The following AKR1C8 variants were observed in gnomAD, a reference collection of about 807,000 sequenced individuals.
AKR1C8 encodes the protein aldo-keto reductase family 1 member C-like protein 1.
the AKR1C8 span, among the ~76,000 whole-genome samples, chr10:5,144,127 G>C: frequency 6.6e-6 from 1 of 152,218 alleles, no homozygotes; most frequent in South Asian, 2.1e-4. Flanking sequence ...TTATTAAATA[G>C]GGAATCCTTT....
At chr10:5,180,807 C>G in the AKR1C8 span, among the ~76,000 whole-genome samples, 1 of 152,222 alleles carries the variant, frequency 6.6e-6, no homozygotes, top group South Asian at 2.1e-4. Context: ...GGGATATAAT[C>G]TCCTGGTGCG....
the AKR1C8 span, among the ~76,000 whole-genome samples, chr10:5,134,555 T>C: frequency 6.6e-6 from 1 of 152,180 alleles, no homozygotes; most frequent in Non-Finnish European, 1.5e-5. Context: ...TTCGAGGTTC[T>C]AGTTTTTTCT....
chr10:5,151,557 GT>G, the AKR1C8 span, among the ~76,000 whole-genome samples: 1,879 of 132,584 alleles, frequency 0.014, 31 homozygotes, highest in African/African-American at 0.044. Context: ...TTCCCTTTGG[GT>G]TTTTTTTTTT....
chr10:5,119,355 A>G, the AKR1C8 span, among the ~76,000 whole-genome samples: 2 of 152,182 alleles, frequency 1.3e-5, no homozygotes, highest in Non-Finnish European at 2.9e-5. Flanking sequence ...GATAGCTTGG[A>G]AAAATACTTG....
chr10:5,123,641 G>T, the AKR1C8 span: 2 of 1,395,646 alleles, frequency 1.4e-6, no homozygotes, highest in South Asian at 1.3e-5. Flanking sequence ...CTCCAGGAAA[G>T]AGAGTACCAT....
At chr10:5,136,296 C>T in the AKR1C8 span, among the ~76,000 whole-genome samples, 1 of 152,076 alleles carries the variant, frequency 6.6e-6, no homozygotes, top group Admixed American at 6.6e-5. Context: ...ACCCGTAATC[C>T]CAGCACTTTG....
chr10:5,137,400 C>T, the AKR1C8 span, among the ~76,000 whole-genome samples: 5 of 152,206 alleles, frequency 3.3e-5, no homozygotes, highest in South Asian at 8.3e-4. Flanking sequence ...GCTTATCCAC[C>T]AAGATCAAGT....
the AKR1C8 span, among the ~76,000 whole-genome samples, chr10:5,143,756 T>C: frequency 2.7e-5 from 4 of 148,704 alleles, no homozygotes; most frequent in Non-Finnish European, 4.5e-5. Context: ...TATCTATATA[T>C]ATTTTAGATT....
the AKR1C8 span, among the ~76,000 whole-genome samples, chr10:5,164,155 C>T: frequency 1.3e-5 from 2 of 152,080 alleles, no homozygotes; most frequent in Non-Finnish European, 2.9e-5. Context: ...TAGTCTCGGA[C>T]CAAGGTCCTG....
At chr10:5,161,682 T>C in the AKR1C8 span, 47 of 532,740 alleles carry the variant, frequency 8.8e-5, no homozygotes, top group East Asian at 2.4e-3. Context: ...ATCTTGATGG[T>C]AGAGTCACTC....
the AKR1C8 span, chr10:5,161,755 C>G: frequency 1.9e-6 from 1 of 534,724 alleles, no homozygotes; most frequent in South Asian, 1.4e-5. Flanking sequence ...ATCTGCCTCT[C>G]TCAGGAAGAA....
the AKR1C8 span, among the ~76,000 whole-genome samples, chr10:5,163,262 T>C: frequency 0.29 from 44,030 of 152,052 alleles, 7,106 homozygotes; most frequent in Non-Finnish European, 0.36. Flanking sequence ...TCTCATTCCA[T>C]ATCAATCAAC....
the AKR1C8 span, chr10:5,132,775 G>T: frequency 4.7e-6 from 6 of 1,278,450 alleles, no homozygotes; most frequent in Admixed American, 2.1e-5. Flanking sequence ...GGAACCCGGA[G>T]GAGTAATGAA....
the AKR1C8 span, among the ~76,000 whole-genome samples, chr10:5,133,976 G>T: frequency 3.3e-4 from 50 of 152,256 alleles, no homozygotes; most frequent in African/African-American, 1.1e-3. Flanking sequence ...TTTTAGGAAA[G>T]ATATAATTTC....
the AKR1C8 span, chr10:5,123,538 C>G: frequency 1.6e-6 from 1 of 625,158 alleles, no homozygotes; most frequent in South Asian, 2.5e-5. Context: ...ACCAGAGCGT[C>G]TCAAGTGAGG....
the AKR1C8 span, among the ~76,000 whole-genome samples, chr10:5,171,430 GA>G: frequency 2.6e-5 from 4 of 151,860 alleles, no homozygotes; most frequent in Non-Finnish European, 4.4e-5. Context: ...ATAACTTTGG[GA>G]CACATACAAT....
At chr10:5,171,803 C>A in the AKR1C8 span, among the ~76,000 whole-genome samples, 1 of 152,028 alleles carries the variant, frequency 6.6e-6, no homozygotes, top group Non-Finnish European at 1.5e-5. Flanking sequence ...TACAATTAAC[C>A]TTCCAAAACT....
chr10:5,159,749 G>C, the AKR1C8 span: 1 of 463,166 alleles, frequency 2.2e-6, no homozygotes, highest in South Asian at 1.6e-5. Flanking sequence ...TCTTTCTCTG[G>C]TATCTCCTAT....
At chr10:5,159,410 T>C in the AKR1C8 span, among the ~76,000 whole-genome samples, 1 of 152,142 alleles carries the variant, frequency 6.6e-6, no homozygotes, top group Non-Finnish European at 1.5e-5. Flanking sequence ...TTTCACTGGA[T>C]TCCTGACACC....
Sources: allele counts gnomAD v4.1 joint callset (sites outside exome capture counted in the v4.1 genomes callset), GRCh38; gene constraint gnomAD v4.1.1; transcripts MANE v1.5; gene names NCBI Gene and HGNC (gene_info 2026-07-23, HGNC 2026-07-21).